Variants in EFNA5 observed in about 807,000 individuals in gnomAD.
EFNA5 encodes the protein ephrin-A5.
EFNA5 carries 5 observed loss-of-function variants against 22.9 expected under a neutral mutation model. The ratio of observed to expected loss-of-function variants is 0.22; its 90% CI spans 0.11 to 0.46. The LOEUF is 0.46. Among genes scored for constraint, EFNA5 ranks in the 20% least tolerant of loss-of-function variants. EFNA5 has a pLI of 0.99. For synonymous variants in EFNA5, 113 were observed against 112.2 expected (o/e 1.01, Z -0.04); for missense variants, 237 against 293.3 (o/e 0.81, Z 1.40).
At chr5:107,464,766 A>G (rs1232977789) in intron 1 of EFNA5, among the ~76,000 whole-genome samples, 3 of 152,174 alleles carry the variant, frequency 2.0e-5, no homozygotes, top group Non-Finnish European at 2.9e-5. Context: ...TATCACACAG[A>G]AAGAATTCTG....
At chr5:107,474,577 G>A (rs534288161) in intron 1 of EFNA5, among the ~76,000 whole-genome samples, 1 of 152,154 alleles carries the variant, frequency 6.6e-6, no homozygotes, top group African/African-American at 2.4e-5. Context: ...TTTGCATTAC[G>A]AACGAGGAAT....
chr5:107,485,551 T>C (rs1746594140), intron 1 of EFNA5, among the ~76,000 whole-genome samples: 1 of 152,226 alleles, frequency 6.6e-6, no homozygotes, highest in Non-Finnish European at 1.5e-5. Flanking sequence ...TGAATTGATC[T>C]GTTAGCTTTC....
At chr5:107,634,829 T>G (rs1326554201) in intron 1 of EFNA5, among the ~76,000 whole-genome samples, 1 of 151,874 alleles carries the variant, frequency 6.6e-6, no homozygotes, top group Non-Finnish European at 1.5e-5. Flanking sequence ...TTAAAAAAGG[T>G]AGAACAACCC....
chr5:107,615,637 C>T (rs1411252118), intron 1 of EFNA5, among the ~76,000 whole-genome samples: 1 of 152,276 alleles, frequency 6.6e-6, no homozygotes, highest in Non-Finnish European at 1.5e-5. Flanking sequence ...ATCCTTTCCT[C>T]TCTGGTTTCT....
chr5:107,385,846 T>G lies in EFNA5; in HGVS notation c.565+1389A>C, dbSNP rs115698288. Among the ~76,000 whole-genome samples, 190 of 152,208 alleles carry G rather than the reference T, an allele frequency of 1.2e-3. 2 individuals carry two copies. The highest frequency in any genetic ancestry group is 3.5e-3 in the African/African-American group (147 of 41,526). On this transcript the variant is annotated intron_variant, in intron 4 of 4. Transcript: ENST00000333274. ...ATGTCAGCATTCATTCCTTAAAACT[T>G]TCTAAAGCAGCTAACTGATCCCTGG...
At chr5:107,516,732 C>G (rs1747489881) in intron 1 of EFNA5, among the ~76,000 whole-genome samples, 1 of 152,178 alleles carries the variant, frequency 6.6e-6, no homozygotes, top group Admixed American at 6.5e-5. Flanking sequence ...GTGACAGCTG[C>G]AAACCACAGC....
At chr5:107,396,927 G>A (rs1747942085) in intron 2 of EFNA5, among the ~76,000 whole-genome samples, 2 of 152,158 alleles carry the variant, frequency 1.3e-5, no homozygotes, top group African/African-American at 2.4e-5. Flanking sequence ...AGGAAACTAG[G>A]CTGGGTGTTG....
At chr5:107,650,090 A>G (rs74384159) in intron 1 of EFNA5, among the ~76,000 whole-genome samples, 3,533 of 152,290 alleles carry the variant, frequency 0.023, 61 homozygotes, top group Non-Finnish European at 0.036. Context: ...TGCAGATAAC[A>G]TATATAAACT....
intron 1 of EFNA5, among the ~76,000 whole-genome samples, chr5:107,503,947 G>C (rs1747195786): frequency 6.6e-6 from 1 of 152,108 alleles, no homozygotes; most frequent in Non-Finnish European, 1.5e-5. Flanking sequence ...AGCATGCATT[G>C]AATTAGCTAC....
At chr5:107,420,533 AAAAAAAAGAAAAAAAAAAAAG>A (rs1406281291) in intron 2 of EFNA5, among the ~76,000 whole-genome samples, 13 of 105,980 alleles carry the variant, frequency 1.2e-4, no homozygotes, top group Non-Finnish European at 2.1e-4. Context: ...AAAAAAAAAA[AAAAAAAAGAAAAAAAAAAAAG>A]AAAAAAAACA....
intron 1 of EFNA5, among the ~76,000 whole-genome samples, chr5:107,431,154 G>A (rs538392454): frequency 3.9e-5 from 6 of 152,218 alleles, no homozygotes; most frequent in African/African-American, 1.2e-4. Context: ...TTACACTTTT[G>A]TTTCAGATCT....
intron 1 of EFNA5, among the ~76,000 whole-genome samples, chr5:107,648,096 T>C (rs537523587): frequency 6.6e-6 from 1 of 152,338 alleles, no homozygotes; most frequent in Admixed American, 6.5e-5. Context: ...ATTTTTTGCC[T>C]AAATCATTCT....
intron 1 of EFNA5, among the ~76,000 whole-genome samples, chr5:107,598,603 A>G (rs1254606576): frequency 1.3e-5 from 2 of 152,184 alleles, no homozygotes; most frequent in African/African-American, 4.8e-5. Context: ...TGTACCCACA[A>G]AGCAACTTCT....
rs112132452 is a variant in EFNA5 at position 107,586,621 on chromosome 5, A to G, written c.125+83868T>C. On this transcript the variant is annotated intron_variant, in intron 1 of 4. Coordinates refer to ENST00000333274, the MANE Select transcript of EFNA5 (RefSeq NM_001962.3). The stretch of plus-strand genomic sequence containing the variant: ...ATAATTATTATCTATTAATGCGTAC[A>G]TTTAAAATCCAAGGAGTGGTTTAAA... 6.2e-3 allele frequency among the ~76,000 whole-genome samples: 937 copies of G among 152,302 alleles called. 11 individuals carry two copies. Among genetic ancestry groups the G allele is most frequent in the African/African-American group, 0.021 (881 of 41,562 alleles).
rs951506930 is a variant in EFNA5, at chr5:107,381,082, T to C, written c.*173A>G. The C allele has an allele frequency of 1.0e-4, 100 of 961,390 alleles. No homozygotes were observed. The highest frequency in any genetic ancestry group is 1.3e-4 in the Non-Finnish European group (91 of 681,550). The allele number at this position is 961,390 out of a possible 1,614,324, so 59.6% of individuals were successfully genotyped here. On this transcript the variant is annotated 3_prime_UTR_variant, in exon 5 of 5. Coordinates refer to ENST00000333274, the MANE Select transcript of EFNA5 (RefSeq NM_001962.3). ...GGGGTGAGGGAGGCAGGAACAAGTT[T>C]AGGCCCCCAACCTGAAGTTGTTGCT... is the stretch of plus-strand genomic sequence containing the variant.
chr5:107,494,734 A>G (rs1163129228), intron 1 of EFNA5, among the ~76,000 whole-genome samples: 1 of 152,114 alleles, frequency 6.6e-6, no homozygotes, highest in East Asian at 1.9e-4. Context: ...AGCACTCTGT[A>G]TCTAGCTACT....
intron 1 of EFNA5, among the ~76,000 whole-genome samples, chr5:107,554,198 C>T (rs1299478603): frequency 6.6e-6 from 1 of 152,200 alleles, no homozygotes; most frequent in East Asian, 1.9e-4. Context: ...CTGATCATAA[C>T]AGTTCATTCA....
chr5:107,553,748 T>C (rs369236004), intron 1 of EFNA5, among the ~76,000 whole-genome samples: 15 of 152,236 alleles, frequency 9.9e-5, no homozygotes, highest in African/African-American at 2.9e-4. Context: ...AGATGTTGAT[T>C]CCTTTTATGA....
intron 1 of EFNA5, among the ~76,000 whole-genome samples, chr5:107,437,030 G>A (rs1749128461): frequency 6.6e-6 from 1 of 152,182 alleles, no homozygotes; most frequent in Non-Finnish European, 1.5e-5. Context: ...TGTGCAAAGA[G>A]TGAACTAAAT....
Sources: allele counts gnomAD v4.1 joint callset (sites outside exome capture counted in the v4.1 genomes callset), GRCh38; gene constraint gnomAD v4.1.1; transcripts MANE v1.5; gene names NCBI Gene and HGNC (gene_info 2026-07-23, HGNC 2026-07-21).